The following TCAF1 variants were observed in gnomAD, a reference collection of about 807,000 sequenced individuals.
TCAF1 encodes the protein TRPM8 channel-associated factor 1.
A neutral mutation model predicts 27.3 loss-of-function variants in TCAF1; 4 were observed. The ratio of observed to expected loss-of-function variants is 0.15; its 90% CI spans 0.07 to 0.34. The LOEUF is 0.34. Ranked by LOEUF, TCAF1 falls within the 10% of genes least tolerant of loss-of-function variation. TCAF1 has a pLI of 1.00. For missense variants in TCAF1, 257 were observed against 425.8 expected, an observed-to-expected ratio of 0.60 and a Z score of 3.49; for synonymous variants, 105 against 167.1, an observed-to-expected ratio of 0.63 and a Z score of 2.87.
chr7:143,901,579 G>A (rs953803028), intron 1 of TCAF1, among the ~76,000 whole-genome samples: 1 of 152,158 alleles, frequency 6.6e-6, no homozygotes, highest in African/African-American at 2.4e-5. Flanking sequence ...TAGAGCACTG[G>A]GGTGGATGAG....
In TCAF1 at chr7:143,885,328, G is replaced by A. The variant is rs939867341; in HGVS notation, c.-14-8706C>T. The A allele has an allele frequency of 7.1e-6, 7 of 985,420 alleles. No homozygotes were observed. The South Asian group carries it at 1.4e-4, about 20-fold the overall frequency. 61.0% of individuals were successfully genotyped at this position (985,420 alleles called of 1,614,324 possible). A position where few individuals can be genotyped will look rare whatever the true frequency, so the allele number is the denominator to read the frequency against. On this transcript the variant is annotated intron_variant, in intron 1 of 8. Transcript: ENST00000479870. Reference sequence around the variant, plus strand: ...TTGCAAATTGGTAGTGAAGTGGCTAGGAGGAGGCGTGTGGGGGGAGGTGGG... The same window carrying A: ...TTGCAAATTGGTAGTGAAGTGGCTAAGAGGAGGCGTGTGGGGGGAGGTGGG...
chr7:143,882,583 G>T (rs1330893211), intron 1 of TCAF1: 13 of 985,242 alleles, frequency 1.3e-5, no homozygotes, highest in Non-Finnish European at 1.6e-5. Context: ...GATGATTTCT[G>T]ATTTCGGCAC....
intron 1 of TCAF1, among the ~76,000 whole-genome samples, chr7:143,899,416 T>C (rs1814023416): frequency 6.6e-6 from 1 of 152,216 alleles, no homozygotes; most frequent in Non-Finnish European, 1.5e-5. Context: ...TATATGGAAA[T>C]CCTGATTCAT....
At chr7:143,885,390 G>T (rs1813348617) in intron 1 of TCAF1, 2 of 985,372 alleles carry the variant, frequency 2.0e-6, no homozygotes, top group Non-Finnish European at 2.4e-6. Flanking sequence ...GGCGTCCCCG[G>T]GAGCTGATTG....
intron 2 of TCAF1, among the ~76,000 whole-genome samples, chr7:143,874,816 T>C (rs1477746201): frequency 6.6e-6 from 1 of 152,318 alleles, no homozygotes; most frequent in Non-Finnish European, 1.5e-5. Flanking sequence ...AGTCTTGTAA[T>C]TGGAGATGTT....
intron 7 of TCAF1, among the ~76,000 whole-genome samples, chr7:143,857,574 G>A (rs1394858364): frequency 6.6e-6 from 1 of 152,300 alleles, no homozygotes; most frequent in Non-Finnish European, 1.5e-5. Flanking sequence ...ACACCAAGTG[G>A]ATACTAAATC....
chr7:143,901,302 G>T (rs1272831084), intron 1 of TCAF1, among the ~76,000 whole-genome samples: 1 of 152,192 alleles, frequency 6.6e-6, no homozygotes, highest in African/African-American at 2.4e-5. Context: ...CGTCTAGTTC[G>T]AGCTGTACTT....
chr7:143,877,031 A>G (rs1812757353), intron 1 of TCAF1, among the ~76,000 whole-genome samples: 1 of 152,230 alleles, frequency 6.6e-6, no homozygotes, highest in African/African-American at 2.4e-5. Context: ...TGTCCTTGTA[A>G]GAGGACATTT....
rs779566366 is a variant in TCAF1 at position 143,876,387 on chromosome 7, C to T, written c.222G>A (p.Thr74=). 1.1e-5 allele frequency: 18 copies of T among 1,613,908 alleles called. No homozygotes were observed. In the East Asian group the frequency reaches 1.6e-4, roughly 14 times the overall value. Reference sequence around the variant, plus strand: ...ACCCCACTGCGTTCAGGAGAAAGGGCGTGAGCTGGGCTTCCACCAAGTAGT... The same window carrying T: ...ACCCCACTGCGTTCAGGAGAAAGGGTGTGAGCTGGGCTTCCACCAAGTAGT... The part of the protein sequence containing the change: ...HEDYLVEAQL[T]PFLLNAVGWL... Residue 74 remains threonine (T), a synonymous_variant, in exon 2 of 9, where the codon ACG becomes ACA. Coordinates refer to ENST00000479870, the MANE Select transcript of TCAF1 (RefSeq NM_014719.3).
At chr7:143,859,884 T>TACAC (rs1563210822) in intron 6 of TCAF1, among the ~76,000 whole-genome samples, 1 of 80,154 alleles carries the variant, frequency 1.2e-5, no homozygotes, top group African/African-American at 5.6e-5. Flanking sequence ...TATATACATA[T>TACAC]ATATAATATA....
At chr7:143,878,433 C>T (rs1049623781) in intron 1 of TCAF1, among the ~76,000 whole-genome samples, 2 of 152,200 alleles carry the variant, frequency 1.3e-5, no homozygotes, top group African/African-American at 4.8e-5. Flanking sequence ...GAAAGCCCTT[C>T]ACACAGGCTG....
Position 143,876,115 on chromosome 7 carries a change from C to A in TCAF1, c.494G>T (p.Arg165Met). Residue 165 changes from arginine (R) to methionine (M), a missense_variant, in exon 2 of 9, where the codon AGG (arginine) becomes ATG (methionine). By Grantham distance (91) the Arg-to-Met change is moderately conservative. Transcript: ENST00000479870. Reference protein sequence around the residue: ...WDWANQGEDERVLFTFPGNLV... With the variant: ...WDWANQGEDEMVLFTFPGNLV... ...GTTCCCAGGGAACGTGAACAGAACCCTTTCATCCTCCCCCTGGTTGGCCCA... is the reference window on the plus strand; with the variant it reads ...GTTCCCAGGGAACGTGAACAGAACCATTTCATCCTCCCCCTGGTTGGCCCA... The A allele has an allele frequency of 6.2e-7, 1 of 1,614,212 alleles. No individual in the cohort carries two copies. Among genetic ancestry groups the A allele is most frequent in the Non-Finnish European group, 8.5e-7 (1 of 1,180,040 alleles).
intron 1 of TCAF1, among the ~76,000 whole-genome samples, chr7:143,895,958 A>G (rs1562973907): frequency 6.6e-6 from 1 of 151,100 alleles, no homozygotes; most frequent in Admixed American, 6.6e-5. Context: ...GGGCAGGGAA[A>G]GAAACATAAA....
chr7:143,882,889 G>C, intron 1 of TCAF1: 1 of 984,638 alleles, frequency 1.0e-6, no homozygotes, highest in Non-Finnish European at 1.2e-6. Flanking sequence ...AGGAGAGGAG[G>C]GGTTTCCACG....
chr7:143,886,792 C>T (rs1229140693), intron 1 of TCAF1, among the ~76,000 whole-genome samples: 3 of 137,086 alleles, frequency 2.2e-5, no homozygotes, highest in Non-Finnish European at 4.6e-5. Context: ...TGGGCTCAAT[C>T]GATCCGCCCA....
chr7:143,886,252 CCT>C (rs775120387), intron 1 of TCAF1, among the ~76,000 whole-genome samples: 3 of 152,148 alleles, frequency 2.0e-5, no homozygotes, highest in Non-Finnish European at 2.9e-5. Context: ...TGCCCTGGCC[CCT>C]GTTTGCTGGG....
intron 1 of TCAF1, among the ~76,000 whole-genome samples, chr7:143,893,819 T>C (rs994107945): frequency 3.3e-5 from 5 of 151,844 alleles, no homozygotes; most frequent in African/African-American, 1.2e-4. Context: ...AATGCATACA[T>C]TAATAAAAGG....
chr7:143,900,158 G>A (rs973791424), intron 1 of TCAF1, among the ~76,000 whole-genome samples: 2 of 152,160 alleles, frequency 1.3e-5, no homozygotes, highest in Non-Finnish European at 1.5e-5. Flanking sequence ...CCACACAAGT[G>A]TACTTGAATA....
intron 1 of TCAF1, among the ~76,000 whole-genome samples, chr7:143,885,736 G>A (rs554814533): frequency 1.4e-3 from 212 of 151,432 alleles, no homozygotes; most frequent in African/African-American, 4.8e-3. Flanking sequence ...AGTAAAAAAC[G>A]TTCCATTTTG....
Sources: allele counts gnomAD v4.1 joint callset (sites outside exome capture counted in the v4.1 genomes callset), GRCh38; gene constraint gnomAD v4.1.1; transcripts MANE v1.5; gene names NCBI Gene and HGNC (gene_info 2026-07-23, HGNC 2026-07-21).